Variants in BAZ1A observed in about 807,000 individuals in gnomAD.
BAZ1A encodes bromodomain adjacent to zinc finger domain protein 1A.
A neutral mutation model predicts 185.2 loss-of-function variants in BAZ1A; 50 were observed. That is an observed-to-expected ratio of 0.27 (90% confidence interval 0.22 to 0.34). The LOEUF is 0.34. Among genes scored for constraint, BAZ1A ranks in the 10% least tolerant of loss-of-function variants. The pLI is 1.00. For missense variants in BAZ1A, 1,356 were observed against 1,839.9 expected, an observed-to-expected ratio of 0.74 and a Z score of 4.81; for synonymous variants, 571 against 615.6, an observed-to-expected ratio of 0.93 and a Z score of 1.07.
chr14:34,812,446 TTAA>T (rs1195265968), intron 4 of BAZ1A, among the ~76,000 whole-genome samples: 1 of 152,166 alleles, frequency 6.6e-6, no homozygotes, highest in Non-Finnish European at 1.5e-5. Context: ...TAGAGGATTT[TTAA>T]TAATAAGGTG....
At chr14:34,791,934 T>C (rs1880871428) in intron 12 of BAZ1A, among the ~76,000 whole-genome samples, 1 of 152,212 alleles carries the variant, frequency 6.6e-6, no homozygotes, top group Admixed American at 6.5e-5. Flanking sequence ...ACACGTACCA[T>C]ACACTGACTC....
chr14:34,758,845 C>T lies in BAZ1A; in HGVS notation c.4245G>A (p.Glu1415=). 1 of 1,612,710 alleles carries T rather than the reference C, an allele frequency of 6.2e-7. No individual in the cohort carries two copies. The highest frequency in any genetic ancestry group is 8.5e-7 in the Non-Finnish European group (1 of 1,179,704). Reference sequence around the variant, plus strand: ...TTCGACCCAGTGTCACAGGCGATGGCTCTGAGTAAATAATTACAACATTTT... The same window carrying T: ...TTCGACCCAGTGTCACAGGCGATGGTTCTGAGTAAATAATTACAACATTTT... ...KRRCRKRQSP[E]PSPVTLGRRS... is the part of the protein sequence containing the mutation. The change falls in exon 25 of 27, where the codon GAG becomes GAA. Residue 1415 remains glutamate, a splice_region_variant and synonymous_variant. Coordinates refer to ENST00000360310, the MANE Select transcript of BAZ1A (RefSeq NM_013448.3).
chr14:34,855,309 A>G (rs1382188668), intron 3 of BAZ1A, among the ~76,000 whole-genome samples: 1 of 152,138 alleles, frequency 6.6e-6, no homozygotes, highest in African/African-American at 2.4e-5. Context: ...AACCGTGTTC[A>G]AATAAGGCAA....
chr14:34,867,256 C>T (rs1048220955), intron 2 of BAZ1A, among the ~76,000 whole-genome samples: 1 of 151,670 alleles, frequency 6.6e-6, no homozygotes, highest in African/African-American at 2.4e-5. Context: ...GAGACTCTGT[C>T]TCAAACAAAA....
chr14:34,783,683 T>C (rs897908670), intron 15 of BAZ1A, 79 bp downstream of exon 15: 5 of 1,530,772 alleles, frequency 3.3e-6, no homozygotes, highest in South Asian at 1.3e-5. Flanking sequence ...TGCCACATTA[T>C]AGCACCATGT....
At chr14:34,855,435 C>T (rs1244909903) in intron 3 of BAZ1A, among the ~76,000 whole-genome samples, 1 of 152,208 alleles carries the variant, frequency 6.6e-6, no homozygotes, top group Non-Finnish European at 1.5e-5. Flanking sequence ...CAGAGTCACT[C>T]TGAACCTATT....
chr14:34,757,412 C>A (rs1278245879), intron 25 of BAZ1A, among the ~76,000 whole-genome samples: 3 of 145,958 alleles, frequency 2.1e-5, no homozygotes, highest in Non-Finnish European at 4.5e-5. Flanking sequence ...TGCCTGTAAT[C>A]TCAGCATTTT....
chr14:34,829,849 C>T (rs556114079), intron 3 of BAZ1A, among the ~76,000 whole-genome samples: 1 of 152,270 alleles, frequency 6.6e-6, no homozygotes, highest in East Asian at 1.9e-4. Flanking sequence ...CCTCATACTA[C>T]CAAAATATAT....
In BAZ1A at chr14:34,832,215, C is replaced by CACACACATATATATATAT; in HGVS notation, c.393-6060_393-6059insATATATATATATGTGTGT. The stretch of plus-strand genomic sequence containing the variant: ...ATACACACACACACACACACACACA[C>CACACACATATATATATAT]ATATATATATATATATGTATGTATG... On this transcript the variant is annotated intron_variant, in intron 3 of 26. Coordinates refer to ENST00000360310, the MANE Select transcript of BAZ1A (RefSeq NM_013448.3). Among the ~76,000 whole-genome samples the CACACACATATATATATAT allele has an allele frequency of 5.1e-4, 46 of 89,696 alleles. 2 individuals are homozygous for CACACACATATATATATAT. Among genetic ancestry groups the CACACACATATATATATAT allele is most frequent in the African/African-American group, 6.7e-4 (18 of 26,798 alleles). The allele number at this position is 89,696 out of a possible 152,430, so 58.8% of individuals were successfully genotyped here.
Position 34,800,347 on chromosome 14 carries a change from T to G in BAZ1A, c.1005A>C (p.Leu335=), listed in dbSNP as rs375905202. 6.4e-7 allele frequency: 1 copy of G among 1,550,642 alleles called. No individual in the cohort carries two copies. Among genetic ancestry groups the G allele is most frequent in the Non-Finnish European group, 8.7e-7 (1 of 1,154,318 alleles). ...CTTCTTTTTCTTTTTTCTTCGCTTC[T>G]AGGGCATCTGCTTTTTCTCTTTTTA... ...AKLKREKADA[L]EAKKKEKEDK... Residue 335 remains leucine (L), a synonymous_variant, in exon 9 of 27, where the codon CTA becomes CTC. Transcript: ENST00000360310.
chr14:34,815,595 C>T (rs1305300384), intron 4 of BAZ1A, among the ~76,000 whole-genome samples: 1 of 152,150 alleles, frequency 6.6e-6, no homozygotes, highest in Non-Finnish European at 1.5e-5. Context: ...CAAAATTTCA[C>T]AAATGTTTAT....
chr14:34,791,450 G>C (rs556085111), intron 12 of BAZ1A, among the ~76,000 whole-genome samples: 1 of 152,234 alleles, frequency 6.6e-6, no homozygotes, highest in African/African-American at 2.4e-5. Context: ...TGCTTAAAAT[G>C]GTCTTAATAA....
chr14:34,786,242 T>A, intron 12 of BAZ1A, 21 bp from the exon 13 acceptor site: 1 of 1,584,506 alleles, frequency 6.3e-7, no homozygotes, highest in Non-Finnish European at 8.6e-7. Flanking sequence ...ATAAATACTT[T>A]ATTCTAGTGC....
chr14:34,843,725 C>T (rs2042454478), intron 3 of BAZ1A, among the ~76,000 whole-genome samples: 1 of 152,134 alleles, frequency 6.6e-6, no homozygotes, highest in Non-Finnish European at 1.5e-5. Context: ...ATTCCCAAAA[C>T]TAGCAAGTCA....
chr14:34,810,680 G>C (rs952238239), intron 5 of BAZ1A, among the ~76,000 whole-genome samples: 1 of 151,758 alleles, frequency 6.6e-6, no homozygotes, highest in Admixed American at 6.6e-5. Flanking sequence ...GGCTGGTCCT[G>C]AACTCCTGGC....
At chr14:34,823,069 T>C (rs1300548327) in intron 4 of BAZ1A, among the ~76,000 whole-genome samples, 1 of 152,058 alleles carries the variant, frequency 6.6e-6, no homozygotes, top group Non-Finnish European at 1.5e-5. Flanking sequence ...AGTTACTACA[T>C]GGGGCTGGGC....
chr14:34,773,322 TAAAAA>T (rs961699289), intron 20 of BAZ1A, among the ~76,000 whole-genome samples: 1 of 146,442 alleles, frequency 6.8e-6, no homozygotes, highest in Non-Finnish European at 1.5e-5. Context: ...GTTCAAAGAT[TAAAAA>T]AAAAAACTTT....
At position 34,866,502 on chromosome 14, in the gene BAZ1A, A is replaced by AAAG; in HGVS notation, c.114-4181_114-4180insCTT. ...AACAATATCTCAAAAAAAAAAAAAAAGAAAAAAGTTCTAACTTTTTCCTAT... is the reference window on the plus strand; with the variant it reads ...AACAATATCTCAAAAAAAAAAAAAAAAAGGAAAAAAGTTCTAACTTTTTCCTAT... On this transcript the variant is annotated intron_variant, in intron 2 of 26. Coordinates refer to ENST00000360310, the MANE Select transcript of BAZ1A (RefSeq NM_013448.3). Among the ~76,000 whole-genome samples the AAAG allele has an allele frequency of 1.9e-3, 152 of 79,566 alleles. 10 individuals carry two copies. In the Middle Eastern group the frequency reaches 0.039, roughly 21 times the overall value. The allele number at this position is 79,566 out of a possible 152,430, so 52.2% of individuals were successfully genotyped here.
intron 4 of BAZ1A, among the ~76,000 whole-genome samples, chr14:34,811,393 G>A (rs1406807336): frequency 1.3e-5 from 2 of 152,052 alleles, no homozygotes; most frequent in African/African-American, 4.8e-5. Flanking sequence ...TGCCTACCTT[G>A]GCCTCCCAAA....
Sources: allele counts gnomAD v4.1 joint callset (sites outside exome capture counted in the v4.1 genomes callset), GRCh38; gene constraint gnomAD v4.1.1; transcripts MANE v1.5; gene names NCBI Gene and HGNC (gene_info 2026-07-23, HGNC 2026-07-21).